PLEKHG1: variants seen among roughly 807,000 people sequenced by gnomAD.
PLEKHG1 encodes pleckstrin homology domain-containing family G member 1.
PLEKHG1 carries 44 observed loss-of-function variants against 100.8 expected under a neutral mutation model. The ratio of observed to expected loss-of-function variants is 0.44; its 90% CI spans 0.34 to 0.56. The LOEUF is 0.56. Among genes scored for constraint, PLEKHG1 ranks in the 20% least tolerant of loss-of-function variants. The pLI, the probability that PLEKHG1 is intolerant of heterozygous loss-of-function variation, is 0.01. For synonymous variants in PLEKHG1, 640 were observed against 662.5 expected, an observed-to-expected ratio of 0.97 and a Z score of 0.52; for missense variants, 1,545 against 1,720.9, an observed-to-expected ratio of 0.90 and a Z score of 1.81.
rs1582829092 is a variant in PLEKHG1, at chr6:150,623,122, T to C, written c.-203-14958T>C. 2.6e-5 allele frequency among the ~76,000 whole-genome samples: 4 copies of C among 152,298 alleles called. No homozygotes were observed. The East Asian group carries it at 7.7e-4, about 29-fold the overall frequency. The stretch of plus-strand genomic sequence containing the variant: ...TATCCTGTATGTCAATGACACATTC[T>C]TGAGGTTTCACTTCTCCCTACCCCA... On this transcript the variant is annotated intron_variant, in intron 1 of 3. Coordinates refer to the PLEKHG1 transcript ENST00000367326.
At chr6:150,714,735 G>A (rs1282403110) in intron 3 of PLEKHG1, among the ~76,000 whole-genome samples, 1 of 151,922 alleles carries the variant, frequency 6.6e-6, no homozygotes, top group African/African-American at 2.4e-5. Flanking sequence ...CAGGACTAAC[G>A]AAAAATGGCT....
intron 2 of PLEKHG1, among the ~76,000 whole-genome samples, chr6:150,640,186 A>G (rs532068512): frequency 1.2e-4 from 18 of 152,396 alleles, no homozygotes; most frequent in Non-Finnish European, 2.1e-4. Flanking sequence ...TTGATGGTGC[A>G]GAATGTGATA....
chr6:150,606,446 C>T (rs1215140719), intron 1 of PLEKHG1, among the ~76,000 whole-genome samples: 2 of 152,190 alleles, frequency 1.3e-5, no homozygotes, highest in African/African-American at 4.8e-5. Flanking sequence ...GAGGAGGCTC[C>T]ATTTAGATCC....
chr6:150,649,960 C>A (rs528372649), intron 2 of PLEKHG1, among the ~76,000 whole-genome samples: 2 of 151,678 alleles, frequency 1.3e-5, no homozygotes, highest in South Asian at 4.2e-4. Context: ...TGCAGTAAGC[C>A]GAGATGGCGC....
At chr6:150,716,904 T>C (rs1781467217), upstream of PLEKHG1, among the ~76,000 whole-genome samples, 1 of 152,162 alleles carries the variant, frequency 6.6e-6, no homozygotes, top group Non-Finnish European at 1.5e-5. Flanking sequence ...CAGGCTGGAG[T>C]GCGGTGGTGC....
chr6:150,749,870 G>A (rs1240985683), intron 2 of PLEKHG1, among the ~76,000 whole-genome samples: 4 of 152,006 alleles, frequency 2.6e-5, no homozygotes, highest in African/African-American at 9.7e-5. Context: ...TCAGGAGTTC[G>A]AGAACAGCCT....
intron 1 of PLEKHG1, among the ~76,000 whole-genome samples, chr6:150,631,442 G>C (rs1022398647): frequency 2.0e-5 from 3 of 152,322 alleles, no homozygotes; most frequent in Middle Eastern, 3.4e-3. Flanking sequence ...CCTACACACA[G>C]GGAGTATTAG....
At chr6:150,729,294 T>C (rs1486689087) in intron 1 of PLEKHG1, among the ~76,000 whole-genome samples, 3 of 152,142 alleles carry the variant, frequency 2.0e-5, no homozygotes, top group Non-Finnish European at 4.4e-5. Context: ...ACTCCTGAGC[T>C]CAAGTGATCC....
chr6:150,683,803 C>A lies in PLEKHG1; in HGVS notation c.-99+33017C>A. 2 of 1,288,882 alleles carry A rather than the reference C, an allele frequency of 1.6e-6. No homozygotes were observed. The highest frequency in any genetic ancestry group is 2.0e-6 in the Non-Finnish European group (2 of 988,690). 79.8% of individuals were successfully genotyped at this position (1,288,882 alleles called of 1,614,324 possible). On this transcript the variant is annotated intron_variant, in intron 3 of 3. Coordinates refer to the PLEKHG1 transcript ENST00000367326. This position sits in a 1 kb window ranked among gnomAD's most constrained non-coding sequence, Gnocchi z 4.0. ...GTGGGGCGGAAGAGGCAGGAAACTG[C>A]TGCCTGGACAAATCGTGTTCTGGGC...
intron 10 of PLEKHG1, among the ~76,000 whole-genome samples, chr6:150,812,470 C>T (rs1787590781): frequency 6.6e-6 from 1 of 152,022 alleles, no homozygotes; most frequent in Non-Finnish European, 1.5e-5. Context: ...ATGGGGGAGA[C>T]ACAGTCTCAA....
intron 1 of PLEKHG1, among the ~76,000 whole-genome samples, chr6:150,620,546 C>T (rs1276850864): frequency 6.6e-6 from 1 of 152,248 alleles, no homozygotes; most frequent in African/African-American, 2.4e-5. Flanking sequence ...CCCACTTATT[C>T]CAACTGGAGG....
chr6:150,630,108 C>T (rs928939836), intron 1 of PLEKHG1, among the ~76,000 whole-genome samples: 4 of 152,162 alleles, frequency 2.6e-5, no homozygotes, highest in African/African-American at 9.7e-5. Context: ...CTCTTTAAAG[C>T]AGTTTGTACC....
intron 3 of PLEKHG1, chr6:150,686,863 C>G (rs1780153913): frequency 6.5e-6 from 1 of 152,690 alleles, no homozygotes; most frequent in African/African-American, 2.4e-5. Flanking sequence ...ACCACGGCGA[C>G]CTGGGGAGCA....
chr6:150,611,713 A>G (rs1405593102), intron 1 of PLEKHG1, among the ~76,000 whole-genome samples: 4 of 151,806 alleles, frequency 2.6e-5, no homozygotes, highest in African/African-American at 9.7e-5. Context: ...TTGGGAGGCT[A>G]AGGCAGGAGA....
Position 150,632,131 on chromosome 6 carries a change from T to C in PLEKHG1, c.-203-5949T>C, listed in dbSNP as rs370177864. 1.9e-4 allele frequency among the ~76,000 whole-genome samples: 29 copies of C among 152,332 alleles called. No homozygotes were observed. The East Asian group carries it at 3.1e-3, about 16-fold the overall frequency. On this transcript the variant is annotated intron_variant, in intron 1 of 3. Coordinates refer to the PLEKHG1 transcript ENST00000367326. ...TAAAATTTGCTCCTAAAAATGTGCATGTCGTAATGTTCAGTGAAAAAAGGA... is the reference window on the plus strand; with the variant it reads ...TAAAATTTGCTCCTAAAAATGTGCACGTCGTAATGTTCAGTGAAAAAAGGA...
intron 3 of PLEKHG1, among the ~76,000 whole-genome samples, chr6:150,668,219 C>T (rs748720597): frequency 1.3e-5 from 2 of 152,180 alleles, no homozygotes; most frequent in Non-Finnish European, 2.9e-5. Context: ...GGCTGCCCTA[C>T]CTGTAACTTC....
chr6:150,804,479 C>G (rs1057390708), intron 6 of PLEKHG1, 131 bp from the exon 8 acceptor site: 6 of 716,294 alleles, frequency 8.4e-6, no homozygotes, highest in African/African-American at 7.5e-5. Flanking sequence ...GCCACCGCAC[C>G]CAGCTGATAG....
chr6:150,706,998 C>CTTTTTTTTTTTTTTTTTTTTTTTTTT (rs71014517), intron 3 of PLEKHG1, among the ~76,000 whole-genome samples: 1 of 51,936 alleles, frequency 1.9e-5, no homozygotes, highest in African/African-American at 7.8e-5. Flanking sequence ...TTTTCTTTTT[C>CTTTTTTTTTTTTTTTTTTTTTTTTTT]TTTTTTTTTT....
chr6:150,794,624 G>A (rs1277683909), intron 4 of PLEKHG1, among the ~76,000 whole-genome samples: 3 of 152,064 alleles, frequency 2.0e-5, no homozygotes, highest in East Asian at 1.9e-4. Flanking sequence ...CCGAGGTTGC[G>A]CCACTGCACT....
Sources: allele counts gnomAD v4.1 joint callset (sites outside exome capture counted in the v4.1 genomes callset), GRCh38; gene constraint gnomAD v4.1.1; non-coding constraint Gnocchi (gnomAD v3.1); transcripts MANE v1.5; gene names NCBI Gene and HGNC (gene_info 2026-07-23, HGNC 2026-07-21).